ZNF284: variants seen among roughly 807,000 people sequenced by gnomAD.
ZNF284 encodes the protein zinc finger protein 284.
A neutral mutation model predicts 12.9 loss-of-function variants in ZNF284; 12 were observed. The observed-to-expected ratio is 0.93, with a 90% CI of 0.60 to 1.51. ZNF284 has a LOEUF of 1.51. Ranked by LOEUF, ZNF284 falls within the 40% of genes most tolerant of loss-of-function variation. ZNF284 has a pLI of 0.00. For missense variants in ZNF284, 667 were observed against 707.3 expected (o/e 0.94, Z 0.65); for synonymous variants, 225 against 236.5 (o/e 0.95, Z 0.45).
intron 4 of ZNF284, among the ~76,000 whole-genome samples, chr19:44,083,957 A>T (rs1019435504): frequency 2.0e-5 from 3 of 152,074 alleles, no homozygotes; most frequent in Non-Finnish European, 4.4e-5. Flanking sequence ...AGGGCAGGGA[A>T]ATCCTTAGGT....
At chr19:44,075,166 G>A (rs1360061208) in intron 1 of ZNF284, among the ~76,000 whole-genome samples, 3 of 152,002 alleles carry the variant, frequency 2.0e-5, no homozygotes, top group African/African-American at 4.8e-5. Context: ...AATTTATTCA[G>A]TTTCTTCTTT....
chr19:44,085,441 G>A (rs1444154222), intron 4 of ZNF284: 2 of 309,528 alleles, frequency 6.5e-6, no homozygotes, highest in African/African-American at 4.3e-5. Flanking sequence ...TACCATGCAA[G>A]ATTTTAGACT....
chr19:44,082,827 A>T (rs1967150266), intron 4 of ZNF284, among the ~76,000 whole-genome samples: 1 of 151,756 alleles, frequency 6.6e-6, no homozygotes, highest in Non-Finnish European at 1.5e-5. Context: ...GTCCCTTGCG[A>T]TTGGATTGGT....
chr19:44,086,537 T>C lies in ZNF284; in HGVS notation c.1059T>C (p.Thr353=). ...YKCEECGRSF[T]CRQDLCKHQM... The stretch of plus-strand genomic sequence containing the variant: ...GTGAAGAATGTGGAAGGAGCTTCAC[T>C]TGTAGGCAAGATCTTTGTAAGCATC... Residue 353 remains threonine (T), a synonymous_variant, in exon 5 of 5, where the codon ACT becomes ACC. Transcript: ENST00000421176. The C allele has an allele frequency of 6.2e-7, 1 of 1,614,184 alleles. No homozygotes were observed. Among genetic ancestry groups the C allele is most frequent in the Non-Finnish European group, 8.5e-7 (1 of 1,180,024 alleles).
At chr19:44,077,020 A>T (rs919074687) in intron 2 of ZNF284, among the ~76,000 whole-genome samples, 1 of 152,090 alleles carries the variant, frequency 6.6e-6, no homozygotes, top group Non-Finnish European at 1.5e-5. Context: ...GGGTTTCACC[A>T]TGTTGGCCAG....
At chr19:44,084,036 A>G (rs990448760) in intron 4 of ZNF284, among the ~76,000 whole-genome samples, 1 of 152,170 alleles carries the variant, frequency 6.6e-6, no homozygotes, top group South Asian at 2.1e-4. Context: ...TGCATGGTAC[A>G]TGCTCATGCC....
At position 44,086,414 on chromosome 19, in the gene ZNF284, G is replaced by A. The variant is rs762277859; in HGVS notation, c.936G>A (p.Glu312=). 3 of 1,613,966 alleles carry A rather than the reference G, an allele frequency of 1.9e-6. No individual in the cohort carries two copies. The highest frequency in any genetic ancestry group is 1.6e-4 in the Middle Eastern group (1 of 6,062). The change falls in exon 5 of 5, where the codon GAG becomes GAA. Residue 312 remains glutamate (E), a synonymous_variant. Transcript: ENST00000421176. ...LNRHSMVHMQ[E]KSFRCDTCSN... is the part of the protein sequence containing the mutation. The stretch of plus-strand genomic sequence containing the variant: ...GGCATTCCATGGTCCACATGCAAGA[G>A]AAATCATTTAGATGTGATACCTGTA...
Sources: gnomAD v4.1 joint callset for allele counts (sites outside exome capture counted in the v4.1 genomes callset) on GRCh38, gnomAD v4.1.1 for gene constraint, MANE v1.5 for transcripts, NCBI Gene and HGNC (gene_info 2026-07-23, HGNC 2026-07-21) for gene names.